STXBP5L: variants seen among roughly 807,000 people sequenced by gnomAD.
STXBP5L encodes the protein syntaxin binding protein 5L.
STXBP5L carries 65 observed loss-of-function variants against 144.5 expected under a neutral mutation model. That is an observed-to-expected ratio of 0.45 (90% CI 0.37 to 0.55). The LOEUF (loss-of-function observed/expected upper bound fraction) is 0.55. Ranked by LOEUF, STXBP5L falls within the 20% of genes least tolerant of loss-of-function variation. The pLI is 0.00. For synonymous variants in STXBP5L, 505 were observed against 469.6 expected (o/e 1.08, Z -0.97); for missense variants, 1,298 against 1,405.5 (o/e 0.92, Z 1.22).
chr3:121,078,531 G>A (rs796448351), intron 5 of STXBP5L, among the ~76,000 whole-genome samples: 18 of 152,372 alleles, frequency 1.2e-4, no homozygotes, highest in East Asian at 3.9e-4. Context: ...CCATGCGCCC[G>A]CACTCCTCAG....
chr3:121,164,542 A>G (rs535915761), intron 9 of STXBP5L, among the ~76,000 whole-genome samples: 1 of 152,322 alleles, frequency 6.6e-6, no homozygotes, highest in African/African-American at 2.4e-5. Context: ...TCTTATAGGT[A>G]TATACCCAAA....
chr3:121,187,511 A>G (rs1010513814), intron 9 of STXBP5L, among the ~76,000 whole-genome samples: 55 of 152,136 alleles, frequency 3.6e-4, no homozygotes, highest in Middle Eastern at 3.4e-3. Flanking sequence ...ATACATATGT[A>G]ACAAACCTGC....
At chr3:121,045,340 C>A in intron 4 of STXBP5L, 95 bp from the exon 5 acceptor site, 1 of 1,066,154 alleles carries the variant, frequency 9.4e-7, no homozygotes, top group Non-Finnish European at 1.3e-6. Flanking sequence ...AGTAACTCTT[C>A]AGGTAGTAAA....
chr3:121,106,375 A>G (rs1374567423), intron 5 of STXBP5L, among the ~76,000 whole-genome samples: 3 of 152,094 alleles, frequency 2.0e-5, no homozygotes, highest in African/African-American at 7.2e-5. Flanking sequence ...CCCTACATGC[A>G]TTAGCTATTT....
chr3:121,089,138 GA>G (rs10713184), intron 5 of STXBP5L, among the ~76,000 whole-genome samples: 12,137 of 106,160 alleles, frequency 0.11, 904 homozygotes, highest in Admixed American at 0.22. Flanking sequence ...AGAGGAGAAG[GA>G]AAAAAATATA....
chr3:121,307,746 AG>A (rs1370807853), intron 19 of STXBP5L, among the ~76,000 whole-genome samples: 6 of 152,134 alleles, frequency 3.9e-5, no homozygotes, highest in African/African-American at 1.4e-4. Context: ...TAGAGAAGAA[AG>A]GAGAAAAATA....
chr3:121,348,307 C>T (rs1409295203), intron 20 of STXBP5L, among the ~76,000 whole-genome samples: 1 of 152,104 alleles, frequency 6.6e-6, no homozygotes, highest in Non-Finnish European at 1.5e-5. Context: ...GGGATGAAGT[C>T]CACTTGACCA....
intron 7 of STXBP5L, among the ~76,000 whole-genome samples, chr3:121,146,543 A>G (rs1559796050): frequency 1.3e-5 from 2 of 152,088 alleles, no homozygotes; most frequent in Non-Finnish European, 2.9e-5. Flanking sequence ...TAAATAGGCT[A>G]ATTACCAGAC....
At chr3:121,158,868 TA>T (rs747249988) in intron 9 of STXBP5L, 2 of 152,218 alleles carry the variant, frequency 1.3e-5, no homozygotes, top group Non-Finnish European at 2.9e-5. Flanking sequence ...TTGATACTTT[TA>T]TTTTTTTTAC....
chr3:121,418,152 C>A (rs2047282234), intron 25 of STXBP5L, among the ~76,000 whole-genome samples, 185 bp from the exon 26 acceptor site: 3 of 152,192 alleles, frequency 2.0e-5, no homozygotes, highest in Admixed American at 2.0e-4. Flanking sequence ...ATCTCACAGT[C>A]TCTTTCTTAG....
chr3:121,026,010 T>A (rs1688688), intron 3 of STXBP5L, among the ~76,000 whole-genome samples: 54,587 of 145,774 alleles, frequency 0.37, 10,455 homozygotes, highest in Non-Finnish European at 0.4. Context: ...ATATTATATA[T>A]AAATATATTT....
intron 9 of STXBP5L, among the ~76,000 whole-genome samples, chr3:121,182,366 G>A (rs2047192221): frequency 6.6e-6 from 1 of 152,078 alleles, no homozygotes; most frequent in African/African-American, 2.4e-5. Context: ...ATTTTAAAAG[G>A]AATCCTCAAC....
chr3:121,000,321 CTTAT>C (rs893688955), intron 3 of STXBP5L, among the ~76,000 whole-genome samples: 3 of 151,690 alleles, frequency 2.0e-5, no homozygotes, highest in African/African-American at 4.8e-5. Context: ...TTCTTTTTTC[CTTAT>C]TTTTTTCTTG....
At chr3:121,226,024 G>A (rs1406972424) in intron 11 of STXBP5L, among the ~76,000 whole-genome samples, 1 of 152,116 alleles carries the variant, frequency 6.6e-6, no homozygotes, top group Non-Finnish European at 1.5e-5. Flanking sequence ...TTGAGAGACA[G>A]GGAGCTGAAA....
rs370163522 is a variant in STXBP5L, at chr3:121,213,327, G to C, written c.956+7326G>C. ...AATGCTTCCAGCTTTTGCCCATTGA[G>C]TATGATATTGGCTGTGGGTTTCTCA... is the stretch of plus-strand genomic sequence containing the variant. On this transcript the variant is annotated intron_variant, in intron 10 of 26. Transcript: ENST00000471454. Among the ~76,000 whole-genome samples, 8 of 152,268 alleles carry C rather than the reference G, an allele frequency of 5.3e-5. No individual in the cohort carries two copies. The East Asian group carries it at 1.3e-3, about 26-fold the overall frequency.
Position 121,041,702 on chromosome 3 carries a change from T to G in STXBP5L, c.290T>G (p.Leu97Arg), listed in dbSNP as rs1400781562. 1 of 1,611,048 alleles carries G rather than the reference T, an allele frequency of 6.2e-7. No homozygotes were observed. The highest frequency in any genetic ancestry group is 8.5e-7 in the Non-Finnish European group (1 of 1,177,786). The part of the protein sequence containing the change: ...IGTRTGAIRI[L>R]GRPGVDCYCQ... ...ATCCTTGACTTTTATTATATTAGAC[T>G]CGGGAGACCTGGTGTTGATTGCTAT... Residue 97 changes from leucine to arginine, a missense_variant and splice_region_variant, in exon 4 of 27, where the codon CTC becomes CGC. By Grantham distance (102) the Leu-to-Arg change is moderately radical. Transcript: ENST00000471454.
At chr3:121,334,478 T>C (rs533214626) in intron 20 of STXBP5L, among the ~76,000 whole-genome samples, 60 of 150,630 alleles carry the variant, frequency 4.0e-4, no homozygotes, top group Middle Eastern at 3.5e-3. Context: ...GCCTTGATGG[T>C]CATTGATGCA....
intron 3 of STXBP5L, among the ~76,000 whole-genome samples, chr3:121,017,201 T>G (rs1375529827): frequency 1.3e-5 from 2 of 152,148 alleles, no homozygotes; most frequent in Non-Finnish European, 2.9e-5. Flanking sequence ...ATTATATTAG[T>G]AGATGCAGAG....
intron 3 of STXBP5L, among the ~76,000 whole-genome samples, chr3:121,007,771 C>T (rs186125005): frequency 6.6e-6 from 1 of 152,072 alleles, no homozygotes. Flanking sequence ...GAAGGTTACC[C>T]TGCCTGCATA....
Sources: allele counts gnomAD v4.1 joint callset (sites outside exome capture counted in the v4.1 genomes callset), GRCh38; gene constraint gnomAD v4.1.1; transcripts MANE v1.5; gene names NCBI Gene and HGNC (gene_info 2026-07-23, HGNC 2026-07-21).